The following BBS4 variants were observed in gnomAD, a reference collection of about 807,000 sequenced individuals.
BBS4 encodes Bardet-Biedl syndrome 4, also known as BBSome complex member BBS4.
A neutral mutation model predicts 71.4 loss-of-function variants in BBS4; 58 were observed. That is an observed-to-expected ratio of 0.81 (90% confidence interval 0.66 to 1.01). The LOEUF is 1.01. Among genes scored for constraint, BBS4 ranks in the 50% least tolerant of loss-of-function variants. The probability of loss-of-function intolerance (pLI) is 0.00; values close to 1 mark genes in which losing one functional copy is unlikely to be tolerated. For missense variants in BBS4, 660 were observed against 607.9 expected (o/e 1.09, Z -0.90); for synonymous variants, 228 against 216.8 (o/e 1.05, Z -0.46).
At chr15:72,703,020 C>T (rs1047131363) in intron 2 of BBS4, among the ~76,000 whole-genome samples, 3 of 150,066 alleles carry the variant, frequency 2.0e-5, no homozygotes, top group African/African-American at 4.9e-5. Context: ...CTTTTTTTAG[C>T]CGGGATGGTC....
chr15:72,712,168 G>A (rs936700628), intron 3 of BBS4, 76 bp from the exon 4 acceptor site: 3 of 1,384,682 alleles, frequency 2.2e-6, no homozygotes, highest in Non-Finnish European at 3.1e-6. Context: ...CACCTGGCCT[G>A]TCCATGTCCA....
chr15:72,735,722 C>T, intron 13 of BBS4, 103 bp from the exon 14 acceptor site: 1 of 1,446,774 alleles, frequency 6.9e-7, no homozygotes, highest in South Asian at 1.2e-5. Context: ...ATGGAGAAAT[C>T]TCTACTTAAC....
At chr15:72,722,701 G>A (rs2065599195) in intron 6 of BBS4, 93 bp from the exon 7 acceptor site, 2 of 1,168,390 alleles carry the variant, frequency 1.7e-6, no homozygotes, top group Admixed American at 1.7e-5. Flanking sequence ...AAACCTTGCC[G>A]AGCAATAACA....
chr15:72,688,692 G>A (rs2064925026), intron 1 of BBS4, among the ~76,000 whole-genome samples: 1 of 152,052 alleles, frequency 6.6e-6, no homozygotes, highest in Non-Finnish European at 1.5e-5. Flanking sequence ...CGTGAGCCAT[G>A]GCCCCCTGCC....
At chr15:72,705,275 C>T (rs1351933001) in intron 2 of BBS4, among the ~76,000 whole-genome samples, 1 of 151,954 alleles carries the variant, frequency 6.6e-6, no homozygotes, top group Non-Finnish European at 1.5e-5. Context: ...AGGTACCCAG[C>T]GAATATTGGT....
At chr15:72,694,965 ATG>A (rs531718255) in intron 1 of BBS4, among the ~76,000 whole-genome samples, 191 of 152,326 alleles carry the variant, frequency 1.3e-3, no homozygotes, top group South Asian at 3.7e-3. Flanking sequence ...TATTATAAAT[ATG>A]TGTTATACAT....
intron 12 of BBS4, among the ~76,000 whole-genome samples, chr15:72,732,527 C>T (rs8024986): frequency 0.53 from 80,875 of 152,018 alleles, 23,337 homozygotes; most frequent in Middle Eastern, 0.68. Context: ...TGGCAGTCGT[C>T]TTCCAGTGGC....
intron 1 of BBS4, among the ~76,000 whole-genome samples, chr15:72,687,123 A>AATTTTTTTTTTTTTTTTTT (rs1491389178): frequency 2.5e-4 from 3 of 11,982 alleles, no homozygotes; most frequent in East Asian, 3.8e-3. Context: ...GAAGACAGAA[A>AATTTTTTTTTTTTTTTTTT]CTTTTTTTTT....
intron 1 of BBS4, chr15:72,686,570 G>A (rs1271612466): frequency 1.4e-6 from 2 of 1,436,474 alleles, no homozygotes; most frequent in Admixed American, 4.2e-5. Context: ...GGAAGGTAAT[G>A]ACTAGCACTT....
intron 1 of BBS4, chr15:72,686,720 C>T (rs1000584382): frequency 2.2e-5 from 11 of 508,172 alleles, no homozygotes; most frequent in African/African-American, 1.6e-4. Context: ...TTTTGGAATT[C>T]ATCTGAAGGC....
intron 10 of BBS4, 57 bp from the exon 11 acceptor site, chr15:72,731,248 C>T (rs867310197): frequency 1.2e-6 from 2 of 1,610,310 alleles, no homozygotes; most frequent in Middle Eastern, 3.5e-4. Flanking sequence ...GAAAGCTGCC[C>T]CACTGCTACA....
chr15:72,691,602 A>G (rs979485146), intron 1 of BBS4, among the ~76,000 whole-genome samples: 3 of 152,182 alleles, frequency 2.0e-5, no homozygotes, highest in African/African-American at 2.4e-5. Context: ...TTATTGTAGT[A>G]AAGTATGTCA....
At chr15:72,694,940 A>T (rs547638046) in intron 1 of BBS4, among the ~76,000 whole-genome samples, 7 of 152,370 alleles carry the variant, frequency 4.6e-5, no homozygotes, top group Non-Finnish European at 8.8e-5. Flanking sequence ...ATACATTAAA[A>T]ATGCACATTG....
chr15:72,738,073 A>C lies in BBS4; in HGVS notation c.*486A>C, dbSNP rs1205056466. ...ACACAAATATTAGATTAATAATCCA[A>C]CTTTAATAGTATACATTTAAAAGAA... On this transcript the variant is annotated 3_prime_UTR_variant, in exon 16 of 16. Coordinates refer to ENST00000268057, the MANE Select transcript of BBS4 (RefSeq NM_033028.5). The C allele has an allele frequency of 2.2e-6, 1 of 454,100 alleles. No individual in the cohort carries two copies. Among genetic ancestry groups the C allele is most frequent in the African/African-American group, 2.0e-5 (1 of 50,134 alleles). The allele number at this position is 454,100 out of a possible 1,614,324, so 28.1% of individuals were successfully genotyped here. A position where few individuals can be genotyped will look rare whatever the true frequency, so the allele number is the denominator to read the frequency against.
intron 1 of BBS4, among the ~76,000 whole-genome samples, chr15:72,694,904 T>C (rs1040220002): frequency 6.6e-6 from 1 of 152,226 alleles, no homozygotes; most frequent in Non-Finnish European, 1.5e-5. Flanking sequence ...ATATTTCTTA[T>C]GCACATTTTA....
At chr15:72,715,510 G>A in intron 5 of BBS4, 108 bp downstream of exon 5, 1 of 799,812 alleles carries the variant, frequency 1.3e-6, no homozygotes, top group Non-Finnish European at 2.2e-6. Flanking sequence ...ATACACAAGT[G>A]GGGGAATGGT....
At chr15:72,708,909 C>T (rs189303135) in intron 2 of BBS4, among the ~76,000 whole-genome samples, 93 of 152,198 alleles carry the variant, frequency 6.1e-4, no homozygotes, top group Admixed American at 1.4e-3. Flanking sequence ...GCTCTCAAAC[C>T]CTGTTTTCTG....
chr15:72,731,065 CTTTTTTTTTTTTT>C (rs35004414), intron 10 of BBS4, among the ~76,000 whole-genome samples: 53 of 77,644 alleles, frequency 6.8e-4, no homozygotes, highest in Non-Finnish European at 7.9e-4. Context: ...AACATTTTAT[CTTTTTTTTTTTTT>C]TTTTTTTTTT....
At position 72,731,563 on chromosome 15, in the gene BBS4, C is replaced by T. The variant is rs2065823952; in HGVS notation, c.873C>T (p.Ser291=). The part of the protein sequence containing the change: ...FGKKKYVAAI[S]CLKRANYLAP... ...CCCCTTCTCTCTCATAGGCCATCAG[C>T]TGCCTGAAACGAGCCAACTACTTGG... The change falls in exon 12 of 16, where the codon AGC becomes AGT. Residue 291 remains serine, a synonymous_variant. Transcript: ENST00000268057. 6.2e-7 allele frequency: 1 copy of T among 1,614,224 alleles called. No homozygotes were observed. The highest frequency in any genetic ancestry group is 8.5e-7 in the Non-Finnish European group (1 of 1,180,048).
Sources: gnomAD v4.1 joint callset for allele counts (sites outside exome capture counted in the v4.1 genomes callset) on GRCh38, gnomAD v4.1.1 for gene constraint, MANE v1.5 for transcripts, NCBI Gene and HGNC (gene_info 2026-07-23, HGNC 2026-07-21) for gene names.